Variants in EPHB2 observed in about 807,000 individuals in gnomAD.
EPHB2 encodes the protein ephrin type-B receptor 2.
Under a neutral mutation model 96.4 loss-of-function variants are expected in EPHB2, and 18 were observed. The observed-to-expected ratio is 0.19, with a 90% confidence interval of 0.13 to 0.28. EPHB2 has a LOEUF of 0.28. Among genes scored for constraint, EPHB2 ranks in the 10% least tolerant of loss-of-function variants. EPHB2 has a pLI of 1.00. For synonymous variants in EPHB2, 506 were observed against 534.1 expected (o/e 0.95, Z 0.72); for missense variants, 989 against 1,355.4 (o/e 0.73, Z 4.25).
At chr1:22,767,092 G>A (rs1256182016) in intron 1 of EPHB2, among the ~76,000 whole-genome samples, 2 of 152,200 alleles carry the variant, frequency 1.3e-5, no homozygotes, top group African/African-American at 2.4e-5. Context: ...GTGCCTCAGG[G>A]AAGCTGTCTC....
At chr1:22,753,912 G>A (rs1441629026) in intron 1 of EPHB2, among the ~76,000 whole-genome samples, 2 of 152,136 alleles carry the variant, frequency 1.3e-5, no homozygotes, top group Admixed American at 6.5e-5. Context: ...GCCTCAAGCC[G>A]GGAGGGTGCT....
chr1:22,818,336 C>T (rs960502368), intron 3 of EPHB2, among the ~76,000 whole-genome samples: 10 of 152,108 alleles, frequency 6.6e-5, no homozygotes, highest in African/African-American at 2.2e-4. Context: ...CTAAATATCC[C>T]TGAGTAGTTA....
chr1:22,831,835 T>C (rs558637604), intron 3 of EPHB2, among the ~76,000 whole-genome samples: 2 of 152,232 alleles, frequency 1.3e-5, no homozygotes, highest in East Asian at 3.9e-4. Context: ...TGTGTTAGGC[T>C]GGGCTGGAAA....
rs914778066 is a variant in EPHB2, at chr1:22,906,494, G to T, written c.1889-216G>T. Reference sequence around the variant, plus strand: ...CCATGCCCAGCCAGGGATAACCAGAGAACAACCATGAGGAATTTACTGTCC... The same window carrying T: ...CCATGCCCAGCCAGGGATAACCAGATAACAACCATGAGGAATTTACTGTCC... On this transcript the variant is annotated intron_variant, in intron 10 of 15. Transcript: ENST00000374630. This position sits in a 1 kb window ranked among gnomAD's most constrained non-coding sequence, Gnocchi z 4.8. Among the ~76,000 whole-genome samples, 3 of 152,114 alleles carry T rather than the reference G, an allele frequency of 2.0e-5. No individual in the cohort carries two copies. The highest frequency in any genetic ancestry group is 7.2e-5 in the African/African-American group (3 of 41,422).
At chr1:22,819,519 AG>A (rs1421003184) in intron 3 of EPHB2, among the ~76,000 whole-genome samples, 4 of 152,106 alleles carry the variant, frequency 2.6e-5, no homozygotes, top group Admixed American at 2.0e-4. Context: ...AGTCAAACCA[AG>A]TTATAAATAA....
At chr1:22,802,787 G>A (rs891722518) in intron 3 of EPHB2, among the ~76,000 whole-genome samples, 4 of 152,162 alleles carry the variant, frequency 2.6e-5, no homozygotes, top group Admixed American at 1.3e-4. Context: ...GTAGAATATG[G>A]TCTGACTCTC....
intron 5 of EPHB2, among the ~76,000 whole-genome samples, chr1:22,870,397 G>A (rs761333710): frequency 1.4e-4 from 21 of 152,140 alleles, no homozygotes; most frequent in Non-Finnish European, 2.4e-4. Context: ...GGTGTACTCC[G>A]CTGGACAGTG....
At chr1:22,895,386 C>T in intron 7 of EPHB2, 86 bp from the exon 8 acceptor site, 1 of 1,282,762 alleles carries the variant, frequency 7.8e-7, no homozygotes, top group Non-Finnish European at 1.1e-6. Flanking sequence ...TCCCAGGAGA[C>T]CCAGCAGCAT....
At chr1:22,877,256 C>T (rs1196081938) in intron 5 of EPHB2, among the ~76,000 whole-genome samples, 2 of 152,224 alleles carry the variant, frequency 1.3e-5, no homozygotes, top group Non-Finnish European at 2.9e-5. Flanking sequence ...TTACTTCACA[C>T]TTCCGTGCGT....
chr1:22,808,699 TATTTAATTCCC>T (rs1644963008), intron 3 of EPHB2, among the ~76,000 whole-genome samples: 1 of 152,246 alleles, frequency 6.6e-6, no homozygotes, highest in Non-Finnish European at 1.5e-5. Context: ...TCTTAATGTA[TATTTAATTCCC>T]GTAACACCCT....
chr1:22,857,459 T>C (rs1055572305), intron 3 of EPHB2, among the ~76,000 whole-genome samples: 2 of 151,950 alleles, frequency 1.3e-5, no homozygotes, highest in African/African-American at 4.8e-5. Context: ...GACCAGCATA[T>C]GTGGCCCGAT....
chr1:22,880,835 G>A (rs1296524937), intron 5 of EPHB2, among the ~76,000 whole-genome samples: 2 of 152,274 alleles, frequency 1.3e-5, no homozygotes, highest in Non-Finnish European at 2.9e-5. Flanking sequence ...CTCCATGTGA[G>A]AAGGAGGCAA....
intron 3 of EPHB2, among the ~76,000 whole-genome samples, chr1:22,820,380 G>T (rs1379990595): frequency 1.3e-5 from 2 of 152,074 alleles, no homozygotes; most frequent in Non-Finnish European, 1.5e-5. Context: ...AGCAGCTATT[G>T]CTGAGCGCGG....
chr1:22,830,439 G>A (rs747629980), intron 3 of EPHB2, among the ~76,000 whole-genome samples: 3 of 152,228 alleles, frequency 2.0e-5, no homozygotes, highest in Non-Finnish European at 4.4e-5. Context: ...CTGGGCAAGT[G>A]ATATTATCTC....
chr1:22,838,879 C>T (rs1046631475), intron 3 of EPHB2, among the ~76,000 whole-genome samples: 4 of 151,728 alleles, frequency 2.6e-5, no homozygotes, highest in African/African-American at 9.7e-5. Flanking sequence ...TGCAGTGAGC[C>T]GAGATGGCAC....
intron 3 of EPHB2, among the ~76,000 whole-genome samples, chr1:22,859,206 A>G (rs1388217436): frequency 7.0e-6 from 1 of 142,688 alleles, no homozygotes; most frequent in Non-Finnish European, 1.5e-5. Context: ...GATGTCTTAA[A>G]GGGGTCTAGG....
chr1:22,912,675 T>C (rs553641250), intron 15 of EPHB2, 76 bp downstream of exon 15: 6 of 1,598,274 alleles, frequency 3.8e-6, no homozygotes, highest in Non-Finnish European at 5.1e-6. Context: ...TGGGGTGATC[T>C]GGAGGGTGAG....
At chr1:22,885,159 C>T (rs1018862408) in intron 6 of EPHB2, among the ~76,000 whole-genome samples, 1 of 152,138 alleles carries the variant, frequency 6.6e-6, no homozygotes, top group Non-Finnish European at 1.5e-5. Context: ...CTCCCAGGCT[C>T]TGCAGGAGCC....
chr1:22,895,971 G>A (rs568875789), intron 8 of EPHB2, among the ~76,000 whole-genome samples: 3 of 152,366 alleles, frequency 2.0e-5, no homozygotes, highest in African/African-American at 2.4e-5. Context: ...CTTAGGAGGA[G>A]GAGGGGGGAG....
Sources: allele counts gnomAD v4.1 joint callset (sites outside exome capture counted in the v4.1 genomes callset), GRCh38; gene constraint gnomAD v4.1.1; non-coding constraint Gnocchi (gnomAD v3.1); transcripts MANE v1.5; gene names NCBI Gene and HGNC (gene_info 2026-07-23, HGNC 2026-07-21).